The following ATRX variants were observed in gnomAD, a reference collection of about 807,000 sequenced individuals.
The protein encoded by ATRX is chromatin remodeler ATRX.
Under a neutral mutation model 172.6 loss-of-function variants are expected in ATRX, and 12 were observed. That is an observed-to-expected ratio of 0.07 (90% CI 0.04 to 0.11). The LOEUF (loss-of-function observed/expected upper bound fraction) is 0.11, where lower values mean the gene tolerates loss of function less well. Among genes scored for constraint, ATRX ranks in the 10% least tolerant of loss-of-function variants. The pLI, the probability that ATRX is intolerant of heterozygous loss-of-function variation, is 1.00. For synonymous variants in ATRX, 674 were observed against 594.7 expected (o/e 1.13, Z -1.94); for missense variants, 1,368 against 1,767.4 (o/e 0.77, Z 4.05).
Position 77,701,898 on chromosome X carries a change from T to C in ATRX, c.134-3269A>G, listed in dbSNP as rs576865949. 2.9e-4 allele frequency among the ~76,000 whole-genome samples: 31 copies of C among 107,599 alleles called. No individual in the cohort carries two copies. The South Asian group carries it at 0.012, about 42-fold the overall frequency. The allele number at this position is 107,599 out of a possible 115,157, so 93.4% of individuals were successfully genotyped here. ...CTAGCCAACATGGCAAAACCCCATC[T>C]CTACTAAAAGTACAGAAATTTGCCG... is the stretch of plus-strand genomic sequence containing the variant. On this transcript the variant is annotated intron_variant, in intron 2 of 34. Coordinates refer to ENST00000373344, the MANE Select transcript of ATRX (RefSeq NM_000489.6).
At chrX:77,635,108 C>A (rs1557107378) in intron 16 of ATRX, among the ~76,000 whole-genome samples, 1 of 110,774 alleles carries the variant, frequency 9.0e-6, no homozygotes, top group African/African-American at 3.3e-5. Flanking sequence ...ATGGTGAAAC[C>A]CCGTCTCTAC....
At chrX:77,644,068 T>C (rs2068790681) in intron 15 of ATRX, among the ~76,000 whole-genome samples, 1 of 111,752 alleles carries the variant, frequency 8.9e-6, no homozygotes, top group Admixed American at 9.5e-5. Flanking sequence ...GCCTCCCGAG[T>C]AGCTGGGATT....
At chrX:77,678,007 G>A (rs1557134678) in intron 9 of ATRX, among the ~76,000 whole-genome samples, 1 of 110,843 alleles carries the variant, frequency 9.0e-6, no homozygotes, top group Non-Finnish European at 1.9e-5. Context: ...AGGAGCTCGA[G>A]GCCAGCCTGG....
chrX:77,565,727 A>G (rs1311833043), intron 28 of ATRX, among the ~76,000 whole-genome samples: 1 of 110,666 alleles, frequency 9.0e-6, no homozygotes, highest in Non-Finnish European at 1.9e-5. Context: ...GTGGTGGTGC[A>G]TGCCTGCAAT....
intron 15 of ATRX, among the ~76,000 whole-genome samples, chrX:77,651,217 CAAAAAAAAA>C (rs1170232589): frequency 7.9e-4 from 13 of 16,479 alleles, no homozygotes; most frequent in East Asian, 9.1e-3. Context: ...AACTCCATCT[CAAAAAAAAA>C]AAAAAAAAAA....
intron 30 of ATRX, among the ~76,000 whole-genome samples, chrX:77,524,883 C>T (rs1557043132): frequency 9.2e-6 from 1 of 109,142 alleles, no homozygotes; most frequent in African/African-American, 3.3e-5. Flanking sequence ...GTAGCTAGGA[C>T]TACAGGTGCA....
rs1557142003 is a variant in ATRX at position 77,683,990 on chromosome X, A to G, written c.1266T>C (p.Ala422=). 1.7e-6 allele frequency: 2 copies of G among 1,209,455 alleles called. No homozygotes were observed. The highest frequency in any genetic ancestry group is 2.2e-6 in the Non-Finnish European group (2 of 893,394). The change falls in exon 9 of 35, where the codon GCT becomes GCC. Residue 422 remains alanine (A), a synonymous_variant. Coordinates refer to ENST00000373344, the MANE Select transcript of ATRX (RefSeq NM_000489.6). ...CTTTGGTATTTTTCTCTTTGTTTACAGCATCCATCGCTCGAAACTCGGAAT... is the reference window on the plus strand; with the variant it reads ...CTTTGGTATTTTTCTCTTTGTTTACGGCATCCATCGCTCGAAACTCGGAAT... ...DLNSEFRAMD[A]VNKEKNTKEH... is the part of the protein sequence containing the mutation.
chrX:77,590,200 G>A (rs782748504), intron 26 of ATRX, among the ~76,000 whole-genome samples: 1 of 111,699 alleles, frequency 9.0e-6, no homozygotes, highest in South Asian at 3.8e-4. Flanking sequence ...CCAAGACAGT[G>A]TAGTAAAGGG....
Position 77,713,148 on chromosome X carries a change from A to G in ATRX, c.133+3983T>C, listed in dbSNP as rs182585065. On this transcript the variant is annotated intron_variant, in intron 2 of 34. Coordinates refer to ENST00000373344, the MANE Select transcript of ATRX (RefSeq NM_000489.6). ...TGGCAACAGAGTGAGACTCCATCTC[A>G]AAAAGAATAAATAAATAAAAATAAA... 8.0e-3 allele frequency among the ~76,000 whole-genome samples: 893 copies of G among 111,618 alleles called. 12 individuals are homozygous for G. The highest frequency in any genetic ancestry group is 0.028 in the African/African-American group (859 of 30,726).
Position 77,505,599 on chromosome X carries a change from T to C in ATRX, c.*2752A>G, listed in dbSNP as rs782392612. The C allele has an allele frequency of 1.7e-5, 3 of 172,211 alleles. No individual in the cohort carries two copies. The highest frequency in any genetic ancestry group is 6.4e-4 in the South Asian group (2 of 3,128). 14.2% of individuals were successfully genotyped at this position (172,211 alleles called of 1,213,427 possible). The stretch of plus-strand genomic sequence containing the variant: ...AACTTCGTGACCTCTCAATATTAAA[T>C]AACTAAATGTGCAAAAGAACCACCA... On this transcript the variant is annotated 3_prime_UTR_variant, in exon 35 of 35. Coordinates refer to ENST00000373344, the MANE Select transcript of ATRX (RefSeq NM_000489.6).
chrX:77,771,233 G>A (rs1032005508), intron 1 of ATRX, among the ~76,000 whole-genome samples: 7 of 109,727 alleles, frequency 6.4e-5, no homozygotes, highest in African/African-American at 1.7e-4. Flanking sequence ...AAAATTAGCC[G>A]GAAGTGGTGG....
At chrX:77,518,303 TA>T (rs1313472413) in intron 34 of ATRX, among the ~76,000 whole-genome samples, 1 of 112,241 alleles carries the variant, frequency 8.9e-6, no homozygotes, top group Non-Finnish European at 1.9e-5. Context: ...TTAGAACTGA[TA>T]AACAAACTTA....
intron 2 of ATRX, among the ~76,000 whole-genome samples, chrX:77,709,218 A>G (rs2072991036): frequency 8.9e-6 from 1 of 112,305 alleles, no homozygotes; most frequent in Admixed American, 9.5e-5. Flanking sequence ...TGGGCAACAG[A>G]GCAATATCCT....
intron 28 of ATRX, among the ~76,000 whole-genome samples, chrX:77,565,850 T>C (rs1329978748): frequency 1.9e-5 from 2 of 105,495 alleles, no homozygotes; most frequent in African/African-American, 7.0e-5. Flanking sequence ...TGAGACCCTG[T>C]CTCAAAAAAA....
At chrX:77,753,411 C>T (rs1722775217) in intron 1 of ATRX, among the ~76,000 whole-genome samples, 1 of 111,251 alleles carries the variant, frequency 9.0e-6, no homozygotes, top group African/African-American at 3.3e-5. Flanking sequence ...TTTCAAAAAA[C>T]CAGCTCCTTG....
intron 31 of ATRX, among the ~76,000 whole-genome samples, chrX:77,522,812 G>A (rs2063274156): frequency 8.9e-6 from 1 of 111,835 alleles, no homozygotes; most frequent in Admixed American, 9.5e-5. Flanking sequence ...TGGAGCAAAT[G>A]GCATTAATGT....
At chrX:77,698,380 C>T (rs1475441630) in intron 3 of ATRX, among the ~76,000 whole-genome samples, 194 bp downstream of exon 3, 2 of 111,640 alleles carry the variant, frequency 1.8e-5, no homozygotes, top group African/African-American at 6.5e-5. Flanking sequence ...TTTAGGTAAA[C>T]CACTGAAGTG....
intron 1 of ATRX, among the ~76,000 whole-genome samples, chrX:77,780,413 G>A (rs1484295322): frequency 4.5e-5 from 5 of 109,990 alleles, no homozygotes; most frequent in East Asian, 2.9e-4. Flanking sequence ...TGCAACCTCC[G>A]CCTCCTGGGT....
At chrX:77,564,925 G>A (rs1846234529) in intron 28 of ATRX, among the ~76,000 whole-genome samples, 1 of 111,686 alleles carries the variant, frequency 9.0e-6, no homozygotes, top group African/African-American at 3.3e-5. Context: ...CACTACCAGG[G>A]TGGGGTCAGA....
Sources: allele counts gnomAD v4.1 joint callset (sites outside exome capture counted in the v4.1 genomes callset), GRCh38; gene constraint gnomAD v4.1.1; transcripts MANE v1.5; gene names NCBI Gene and HGNC (gene_info 2026-07-23, HGNC 2026-07-21).